The following IGF2BP1 variants were observed in gnomAD, a reference collection of about 807,000 sequenced individuals.
IGF2BP1 encodes insulin like growth factor 2 mRNA binding protein 1.
IGF2BP1 carries 11 observed loss-of-function variants against 74.9 expected under a neutral mutation model. The observed-to-expected ratio is 0.15, with a 90% confidence interval of 0.09 to 0.24. The LOEUF is 0.24. IGF2BP1 is among the 10% of genes least tolerant of loss of function. IGF2BP1 has a pLI of 1.00. For synonymous variants in IGF2BP1, 287 were observed against 281.8 expected, an observed-to-expected ratio of 1.02 and a Z score of -0.18; for missense variants, 440 against 757.4, an observed-to-expected ratio of 0.58 and a Z score of 4.92.
chr17:49,011,062 C>T (rs560777281), intron 2 of IGF2BP1, among the ~76,000 whole-genome samples: 90 of 131,650 alleles, frequency 6.8e-4, no homozygotes, highest in Admixed American at 2.8e-3. Context: ...CGCTTGAACC[C>T]GGGAGGTGGA....
rs371494615 is a variant in IGF2BP1 at position 49,049,500 on chromosome 17, G to A, written c.*56G>A. The A allele has an allele frequency of 6.8e-7, 1 of 1,473,456 alleles. No individual in the cohort carries two copies. Among genetic ancestry groups the A allele is most frequent in the Non-Finnish European group, 9.5e-7 (1 of 1,057,472 alleles). The allele number at this position is 1,473,456 out of a possible 1,614,324, so 91.3% of individuals were successfully genotyped here. ...ACAACAACGGGCAGAAATCGAGAGTGTGCTCTCCCCGGCAGGCCTGAGAAT... is the reference window on the plus strand; with the variant it reads ...ACAACAACGGGCAGAAATCGAGAGTATGCTCTCCCCGGCAGGCCTGAGAAT... On this transcript the variant is annotated 3_prime_UTR_variant, in exon 15 of 15. Transcript: ENST00000290341.
At chr17:49,006,337 A>T (rs1408428001) in intron 2 of IGF2BP1, among the ~76,000 whole-genome samples, 1 of 152,220 alleles carries the variant, frequency 6.6e-6, no homozygotes, top group East Asian at 1.9e-4. Flanking sequence ...CAGAGTCTTA[A>T]TGACCTACCC....
At chr17:49,024,410 G>T (rs1269210461) in intron 2 of IGF2BP1, among the ~76,000 whole-genome samples, 1 of 151,914 alleles carries the variant, frequency 6.6e-6, no homozygotes, top group South Asian at 2.1e-4. Context: ...CACTTTACAA[G>T]ATTGTTAATA....
intron 5 of IGF2BP1, 144 bp downstream of exon 5, chr17:49,032,117 T>C (rs2144084400): frequency 1.5e-6 from 1 of 656,856 alleles, no homozygotes; most frequent in Non-Finnish European, 2.7e-6. Context: ...AAGCCAAACC[T>C]AGAATCTTCC....
chr17:49,038,875 T>TC (rs373178993), intron 6 of IGF2BP1, among the ~76,000 whole-genome samples: 24,028 of 92,870 alleles, frequency 0.26, 3,080 homozygotes, highest in Admixed American at 0.32. Context: ...CTTTCTTTAA[T>TC]ATTTTTTTTT....
intron 5 of IGF2BP1, among the ~76,000 whole-genome samples, chr17:49,034,968 C>T (rs1471769006): frequency 1.3e-5 from 2 of 152,106 alleles, no homozygotes; most frequent in African/African-American, 4.8e-5. Context: ...TGAGGAAATG[C>T]AGAAAAACCT....
chr17:49,021,148 A>G lies in IGF2BP1; in HGVS notation c.237-4470A>G, dbSNP rs531342600. On this transcript the variant is annotated intron_variant, in intron 2 of 14. Transcript: ENST00000290341. ...ACAGAGCAATACCCTGTCTCAAAGG[A>G]AAAAAAAAAAAGCAGGCTCTTCCCT... Among the ~76,000 whole-genome samples the G allele has an allele frequency of 3.5e-4, 51 of 144,200 alleles. No homozygotes were observed. The East Asian group carries it at 9.2e-3, about 26-fold the overall frequency. The allele number at this position is 144,200 out of a possible 152,430, so 94.6% of individuals were successfully genotyped here.
chr17:49,037,455 C>T, intron 5 of IGF2BP1: 1 of 318,632 alleles, frequency 3.1e-6, no homozygotes, highest in Non-Finnish European at 6.1e-6. Flanking sequence ...AAATGATATT[C>T]AGGAACTCTA....
chr17:49,034,115 CT>C (rs762314265), intron 5 of IGF2BP1, among the ~76,000 whole-genome samples: 3,466 of 118,380 alleles, frequency 0.029, 49 homozygotes, highest in African/African-American at 0.048. Context: ...TGATTTGCCC[CT>C]TTTTTTTTTT....
At chr17:48,999,235 G>C in intron 2 of IGF2BP1, 66 bp downstream of exon 2, 1 of 953,420 alleles carries the variant, frequency 1.0e-6, no homozygotes, top group Non-Finnish European at 1.7e-6. Flanking sequence ...GCTGTGTTCA[G>C]GGGTCCATAG....
chr17:49,031,997 T>C, intron 5 of IGF2BP1, 24 bp downstream of exon 5: 1 of 988,124 alleles, frequency 1.0e-6, no homozygotes, highest in Non-Finnish European at 1.5e-6. Context: ...GAAGTGGGGC[T>C]GGGTGCGGTG....
At chr17:49,029,174 T>A (rs902968430) in intron 4 of IGF2BP1, among the ~76,000 whole-genome samples, 1 of 152,236 alleles carries the variant, frequency 6.6e-6, no homozygotes, top group Admixed American at 6.5e-5. Context: ...TTATTTATTA[T>A]GCTTATTGTT....
intron 3 of IGF2BP1, 110 bp from the exon 4 acceptor site, chr17:49,026,356 C>T (rs2041853141): frequency 1.1e-6 from 1 of 916,434 alleles, no homozygotes; most frequent in Non-Finnish European, 1.8e-6. Context: ...TCAAACACTC[C>T]TATGGCTCTG....
In IGF2BP1 at chr17:49,026,739, G is replaced by GCCTGCCTT. The variant is rs796116756; in HGVS notation, c.337+243_337+250dup. Among the ~76,000 whole-genome samples the GCCTGCCTT allele has an allele frequency of 1.4e-3, 157 of 110,102 alleles. 1 individual carries two copies. The East Asian group carries it at 0.029, about 20-fold the overall frequency. 72.2% of individuals were successfully genotyped at this position (110,102 alleles called of 152,430 possible). ...TTCCTGCCTGCCTTCCTGCCTTCCT[G>GCCTGCCTT]CCTGCCTTCCTGCCTTCCTGCCTTC... is the stretch of plus-strand genomic sequence containing the variant. On this transcript the variant is annotated intron_variant, in intron 4 of 14. Transcript: ENST00000290341.
chr17:49,049,988 A>G lies in IGF2BP1; in HGVS notation c.*544A>G, dbSNP rs1243859030. ...ACGAATGCATTGCTTTGCTTACAGT[A>G]TTGACTCAAGGGAAAAGAACTGTCA... On this transcript the variant is annotated 3_prime_UTR_variant, in exon 15 of 15. Transcript: ENST00000290341. 6.5e-6 allele frequency: 1 copy of G among 153,458 alleles called. No individual in the cohort carries two copies. The highest frequency in any genetic ancestry group is 1.9e-4 in the East Asian group (1 of 5,204). The allele number at this position is 153,458 out of a possible 1,614,324, so 9.5% of individuals were successfully genotyped here.
chr17:49,048,875 C>T (rs1364792831), intron 14 of IGF2BP1, among the ~76,000 whole-genome samples: 1 of 152,092 alleles, frequency 6.6e-6, no homozygotes, highest in Non-Finnish European at 1.5e-5. Flanking sequence ...TTTGAGGTTT[C>T]ATCCTGAAAC....
rs373467791 is a variant in IGF2BP1, at chr17:49,049,454, C to T, written c.*10C>T. Reference sequence around the variant, plus strand: ...GGCACGGAGGAAGTGACCAGCCCCTCCCTGTCCCTTCGAGTCCAGGACAAC... The same window carrying T: ...GGCACGGAGGAAGTGACCAGCCCCTTCCTGTCCCTTCGAGTCCAGGACAAC... On this transcript the variant is annotated 3_prime_UTR_variant, in exon 15 of 15. Transcript: ENST00000290341. 265 of 1,611,296 alleles carry T rather than the reference C, an allele frequency of 1.6e-4. No individual in the cohort carries two copies. The highest frequency in any genetic ancestry group is 2.2e-4 in the Non-Finnish European group (257 of 1,177,656).
intron 2 of IGF2BP1, chr17:49,013,914 G>A (rs2041656564): frequency 1.3e-5 from 2 of 152,530 alleles, no homozygotes; most frequent in South Asian, 4.1e-4. Flanking sequence ...GAACATTCGA[G>A]ACCGTGCGGA....
At chr17:49,009,426 T>C (rs1221362381) in intron 2 of IGF2BP1, among the ~76,000 whole-genome samples, 2 of 152,076 alleles carry the variant, frequency 1.3e-5, no homozygotes, top group African/African-American at 4.8e-5. Context: ...AAATTATTTT[T>C]AGGCTGGGCG....
Sources: allele counts gnomAD v4.1 joint callset (sites outside exome capture counted in the v4.1 genomes callset), GRCh38; gene constraint gnomAD v4.1.1; transcripts MANE v1.5; gene names NCBI Gene and HGNC (gene_info 2026-07-23, HGNC 2026-07-21).